MEGF6: variants seen among roughly 807,000 people sequenced by gnomAD.
The protein encoded by MEGF6 is multiple epidermal growth factor-like domains protein 6.
In MEGF6, 184 loss-of-function variants were observed where a neutral mutation model predicts 207.1. That is an observed-to-expected ratio of 0.89 (90% CI 0.79 to 1.00). The LOEUF (loss-of-function observed/expected upper bound fraction) is 1.00. MEGF6 is among the 50% of genes least tolerant of loss of function. The pLI, the probability that MEGF6 is intolerant of heterozygous loss-of-function variation, is 0.00. For missense variants in MEGF6, 2,282 were observed against 2,202.9 expected (o/e 1.04, Z -0.72); for synonymous variants, 1,038 against 910.0 (o/e 1.14, Z -2.53).
chr1:3,511,515 T>A, intron 9 of MEGF6, 35 bp downstream of exon 9: 1 of 1,574,572 alleles, frequency 6.4e-7, no homozygotes, highest in Non-Finnish European at 8.7e-7. Flanking sequence ...GTCCCTGGAG[T>A]GGGGTGCAGG....
At chr1:3,619,040 CAT>C in the MEGF6 span, among the ~76,000 whole-genome samples, 8 of 152,226 alleles carry the variant, frequency 5.3e-5, no homozygotes, top group African/African-American at 1.7e-4. Context: ...AAAACCATAA[CAT>C]GTGGAAATTA....
intron 4 of MEGF6, among the ~76,000 whole-genome samples, chr1:3,571,975 TC>T (rs1163333197): frequency 1.6e-5 from 2 of 123,764 alleles, no homozygotes; most frequent in East Asian, 5.5e-4. Flanking sequence ...GCTGGGTCCT[TC>T]CTGGGTGTGC....
chr1:3,620,960 G>A, the MEGF6 span, among the ~76,000 whole-genome samples: 19 of 152,318 alleles, frequency 1.2e-4, no homozygotes, highest in African/African-American at 4.1e-4. Flanking sequence ...AGAGAGAGGA[G>A]AGACAGCTTA....
In MEGF6 at chr1:3,493,987, A is replaced by G. The variant is rs1640488955; in HGVS notation, c.4258+9T>C. 6.3e-7 allele frequency: 1 copy of G among 1,595,288 alleles called. No individual in the cohort carries two copies. On this transcript the variant is annotated intron_variant, in intron 33 of 36. Transcript: ENST00000356575. ...GGAGCGGGGGTTCAGGGAGGCACCA[A>G]GCACTCACCCCTCTCACAGAAGTGG...
At chr1:3,496,589 G>A (rs2821033) in intron 29 of MEGF6, 66 bp downstream of exon 29, 104,598 of 1,544,106 alleles carry the variant, frequency 0.068, 4,192 homozygotes, top group Admixed American at 0.17. Flanking sequence ...TCCTCCTGCA[G>A]GCTGGCTGGC....
chr1:3,586,110 A>G (rs1301828062), intron 3 of MEGF6, among the ~76,000 whole-genome samples: 2 of 134,548 alleles, frequency 1.5e-5, no homozygotes, highest in East Asian at 2.3e-4. Flanking sequence ...TGTGTGAGTG[A>G]CACGTGTCCT....
Position 3,506,228 on chromosome 1 carries a change from T to TGGGGCAGCCTG in MEGF6, c.1790-3_1797dup (p.Lys600GlnfsTer115). 1.2e-6 allele frequency: 2 copies of TGGGGCAGCCTG among 1,608,204 alleles called. No individual in the cohort carries two copies. Among genetic ancestry groups the TGGGGCAGCCTG allele is most frequent in the Non-Finnish European group, 8.5e-7 (1 of 1,178,098 alleles). ...CGACAGTGCTTGCCATAGTAGCCCT[T>TGGGGCAGCCTG]GGGGCAGCCTGGGGGCAGCGGGGCT... On this transcript the variant is annotated frameshift_variant, in exon 15 of 37. Transcript: ENST00000356575. LOFTEE classifies it high-confidence loss of function.
intron 17 of MEGF6, 130 bp from the exon 18 acceptor site, chr1:3,502,051 GGCGCCTCCT>G: frequency 1.2e-4 from 3 of 24,090 alleles, no homozygotes; most frequent in Non-Finnish European, 1.4e-4. Flanking sequence ...GTGCCCCCCC[GGCGCCTCCT>G]CACATGGGCT....
the MEGF6 span, among the ~76,000 whole-genome samples, chr1:3,620,189 G>A: frequency 6.6e-6 from 1 of 152,218 alleles, no homozygotes; most frequent in Non-Finnish European, 1.5e-5. Flanking sequence ...GTACAGTCAT[G>A]TGCGTTCACA....
At position 3,588,879 on chromosome 1, in the gene MEGF6, C is replaced by T. The variant is rs978123741; in HGVS notation, c.376+6459G>A. Reference sequence around the variant, plus strand: ...CCCTCACTCCCACCTCTGCCCTGCACGGCAGGCCCAGCCCCTCCTTTGCAC... The same window carrying T: ...CCCTCACTCCCACCTCTGCCCTGCATGGCAGGCCCAGCCCCTCCTTTGCAC... On this transcript the variant is annotated intron_variant, in intron 3 of 36. Coordinates refer to ENST00000356575, the MANE Select transcript of MEGF6 (RefSeq NM_001409.4). 6.6e-5 allele frequency among the ~76,000 whole-genome samples: 10 copies of T among 152,232 alleles called. No homozygotes were observed. In the South Asian group the frequency reaches 8.3e-4, roughly 13 times the overall value.
Position 3,493,916 on chromosome 1 carries a change from G to A in MEGF6, c.4259-17C>T. ...GCTCACACCCTGGTGGGGGCAGTGG[G>A]CTCAGTGTCCCCCTCCTGTCCTGCA... is the stretch of plus-strand genomic sequence containing the variant. On this transcript the variant is annotated splice_polypyrimidine_tract_variant and intron_variant, in intron 33 of 36. Transcript: ENST00000356575. 2 of 1,584,854 alleles carry A rather than the reference G, an allele frequency of 1.3e-6. No individual in the cohort carries two copies. The highest frequency in any genetic ancestry group is 1.7e-6 in the Non-Finnish European group (2 of 1,166,098).
In MEGF6 at chr1:3,496,114, G is replaced by A. The variant is rs958141986; in HGVS notation, c.3743-96C>T. On this transcript the variant is annotated intron_variant, in intron 29 of 36. Transcript: ENST00000356575. ...ATAGGACAGGATGGGATGGGGTGAG[G>A]GGACCCTGGGTCTGCCCCAGACAGG... 1.9e-5 allele frequency: 27 copies of A among 1,419,054 alleles called. No individual in the cohort carries two copies. In the East Asian group the frequency reaches 6.7e-4, roughly 35 times the overall value. The allele number at this position is 1,419,054 out of a possible 1,614,324, so 87.9% of individuals were successfully genotyped here. A position where few individuals can be genotyped will look rare whatever the true frequency, so the allele number is the denominator to read the frequency against.
the MEGF6 span, among the ~76,000 whole-genome samples, chr1:3,618,145 C>G: frequency 1.3e-5 from 2 of 152,202 alleles, no homozygotes; most frequent in Non-Finnish European, 2.9e-5. This position sits in a 1 kb window ranked among gnomAD's most constrained non-coding sequence, Gnocchi z 4.7. Flanking sequence ...CAAGGCCAAG[C>G]CTGGGAGGCA....
intron 3 of MEGF6, among the ~76,000 whole-genome samples, chr1:3,592,848 T>A (rs912051311): frequency 1.4e-4 from 21 of 152,310 alleles, no homozygotes; most frequent in Non-Finnish European, 1.3e-4. Context: ...TAAAAACGAA[T>A]GTTTAAAAAC....
intron 4 of MEGF6, among the ~76,000 whole-genome samples, chr1:3,557,638 C>T (rs1200787374): frequency 3.3e-5 from 5 of 152,226 alleles, no homozygotes; most frequent in Non-Finnish European, 7.3e-5. Context: ...ACACAGGGCC[C>T]GCTCATCCCT....
chr1:3,606,580 G>T (rs142324046), intron 1 of MEGF6, among the ~76,000 whole-genome samples: 1 of 152,334 alleles, frequency 6.6e-6, no homozygotes, highest in African/African-American at 2.4e-5. Context: ...AAGGGCTCCC[G>T]ACAGCCCTCA....
At chr1:3,493,696 G>A (rs551644657) in intron 34 of MEGF6, 75 bp downstream of exon 34, 1 of 1,558,680 alleles carries the variant, frequency 6.4e-7, no homozygotes, top group African/African-American at 1.4e-5. Context: ...GGCACAGGTA[G>A]GGCCCAACCA....
intron 21 of MEGF6, 67 bp downstream of exon 21, chr1:3,500,566 C>T (rs1640813644): frequency 1.2e-5 from 18 of 1,484,024 alleles, no homozygotes; most frequent in East Asian, 2.5e-5. Flanking sequence ...TGTGTGTGTG[C>T]ACGTGTGCAT....
chr1:3,543,914 C>T (rs1253165084), intron 4 of MEGF6, among the ~76,000 whole-genome samples: 4 of 152,214 alleles, frequency 2.6e-5, no homozygotes, highest in Non-Finnish European at 4.4e-5. Flanking sequence ...GCCCAGCCCG[C>T]GTCAGCCCTG....
Sources: allele counts gnomAD v4.1 joint callset (sites outside exome capture counted in the v4.1 genomes callset), GRCh38; gene constraint gnomAD v4.1.1; non-coding constraint Gnocchi (gnomAD v3.1); transcripts MANE v1.5; gene names NCBI Gene and HGNC (gene_info 2026-07-23, HGNC 2026-07-21).